MAPK3: variants seen among roughly 807,000 people sequenced by gnomAD.
The protein encoded by MAPK3 is mitogen-activated protein kinase 3.
In MAPK3, 30 loss-of-function variants were observed where a neutral mutation model predicts 41.8. That is an observed-to-expected ratio of 0.72 (90% confidence interval 0.54 to 0.97). The LOEUF (loss-of-function observed/expected upper bound fraction) is 0.97. MAPK3 is among the 50% of genes least tolerant of loss of function. The probability of loss-of-function intolerance (pLI) is 0.00; values close to 1 mark genes in which losing one functional copy is unlikely to be tolerated. For synonymous variants in MAPK3, 222 were observed against 213.4 expected, an observed-to-expected ratio of 1.04 and a Z score of -0.35; for missense variants, 413 against 509.9, an observed-to-expected ratio of 0.81 and a Z score of 1.83.
chr16:30,116,605 G>T, intron 8 of MAPK3, 31 bp downstream of exon 8: 1 of 1,595,230 alleles, frequency 6.3e-7, no homozygotes, highest in South Asian at 1.1e-5. Context: ...TAGTATCAGG[G>T]TGTCCATGTG....
intron 2 of MAPK3, among the ~76,000 whole-genome samples, chr16:30,120,408 T>G (rs12918285): frequency 2.9e-4 from 29 of 100,950 alleles, no homozygotes; most frequent in African/African-American, 4.6e-4. Flanking sequence ...GGACTGAGAG[T>G]GGGTGGGTGG....
At chr16:30,117,530 G>A in intron 5 of MAPK3, 140 bp downstream of exon 5, 1 of 755,758 alleles carries the variant, frequency 1.3e-6, no homozygotes, top group Non-Finnish European at 2.3e-6. Flanking sequence ...ATCCAATGGG[G>A]ATAATATCTA....
At chr16:30,117,931 C>A in intron 4 of MAPK3, 116 bp downstream of exon 4, 1 of 1,134,046 alleles carries the variant, frequency 8.8e-7, no homozygotes, top group South Asian at 1.3e-5. Context: ...CTTGCAGAGC[C>A]CAAGGCCCAG....
rs1461921044 is a variant in MAPK3 at position 30,123,173 on chromosome 16, C to T, written c.37G>A (p.Glu13Lys). 1 of 1,021,930 alleles carries T rather than the reference C, an allele frequency of 9.8e-7. No homozygotes were observed. 63.3% of individuals were successfully genotyped at this position (1,021,930 alleles called of 1,614,324 possible). A position where few individuals can be genotyped will look rare whatever the true frequency, so the allele number is the denominator to read the frequency against. Residue 13 changes from glutamate (E) to lysine (K), a missense_variant, in exon 1 of 9, where the codon GAG (glutamate) becomes AAG (lysine). By Grantham distance (56) the Glu-to-Lys change is moderately conservative. Coordinates refer to ENST00000263025, the MANE Select transcript of MAPK3 (RefSeq NM_002746.3). ...CCGACCCCCTCGGTTCTACGGGGCT[C>T]CCCGCCCCCGCCCCCCTGAGCCGCC... ...AAAAQGGGGG[E>K]PRRTEGVGPG...
At chr16:30,117,124 A>G in intron 6 of MAPK3, 30 bp downstream of exon 6, 1 of 1,613,752 alleles carries the variant, frequency 6.2e-7, no homozygotes, top group Non-Finnish European at 8.5e-7. Flanking sequence ...CCCAAGGTTT[A>G]TCCCACACCC....
Position 30,118,578 on chromosome 16 carries a change from T to G in MAPK3, c.354-40A>C, listed in dbSNP as rs769931740. On this transcript the variant is annotated intron_variant, in intron 2 of 8. Transcript: ENST00000263025. The stretch of plus-strand genomic sequence containing the variant: ...GCAGACCCCCCCAGGCAGGGGGCAG[T>G]GGGAGGCACTTGGTTAAGGAAAACA... 3.9e-6 allele frequency: 6 copies of G among 1,552,556 alleles called. No individual in the cohort carries two copies. The Admixed American group carries it at 1.1e-4, about 27-fold the overall frequency.
chr16:30,117,396 C>CA (rs2072967672), intron 5 of MAPK3, 111 bp from the exon 6 acceptor site: 1 of 1,078,176 alleles, frequency 9.3e-7, no homozygotes, highest in African/African-American at 1.6e-5. Flanking sequence ...GCCAATCCCT[C>CA]AGTCACCTCC....
intron 1 of MAPK3, chr16:30,122,750 G>T: frequency 3.1e-6 from 1 of 322,712 alleles, no homozygotes; most frequent in Non-Finnish European, 5.7e-6. Flanking sequence ...CTCGCCCCGT[G>T]TCACTAGGGT....
chr16:30,115,444 C>T (rs1449242076), intron 8 of MAPK3, among the ~76,000 whole-genome samples: 2 of 152,156 alleles, frequency 1.3e-5, no homozygotes, highest in African/African-American at 4.8e-5. Flanking sequence ...CAGTGGGGTC[C>T]CCACAGCTAT....
At chr16:30,121,782 G>A (rs2073017289) in intron 2 of MAPK3, 42 bp downstream of exon 2, 1 of 1,590,384 alleles carries the variant, frequency 6.3e-7, no homozygotes, top group South Asian at 1.1e-5. Flanking sequence ...GCCCAGCTGC[G>A]AGGCCGTGCC....
intron 1 of MAPK3, 78 bp downstream of exon 1, chr16:30,122,962 A>G (rs1037168282): frequency 1.6e-6 from 2 of 1,238,812 alleles, no homozygotes; most frequent in Non-Finnish European, 2.1e-6. Flanking sequence ...CGTCCCGGAA[A>G]GCGCTCGGCG....
At chr16:30,122,830 A>G (rs1412584792) in intron 1 of MAPK3, 2 of 454,540 alleles carry the variant, frequency 4.4e-6, no homozygotes, top group Non-Finnish European at 7.8e-6. Flanking sequence ...AAAGCCTCCA[A>G]GCCTGCTCCC....
intron 8 of MAPK3, among the ~76,000 whole-genome samples, chr16:30,115,243 A>G (rs1297758918): frequency 6.6e-6 from 1 of 152,104 alleles, no homozygotes; most frequent in Non-Finnish European, 1.5e-5. Context: ...AAAAAAAAAG[A>G]TAAATAGATT....
chr16:30,120,296 C>A (rs1006216201), intron 2 of MAPK3, among the ~76,000 whole-genome samples: 8 of 152,258 alleles, frequency 5.3e-5, no homozygotes, highest in Middle Eastern at 3.4e-3. Context: ...TGCTTCAGAT[C>A]ACACAGCGAG....
chr16:30,121,577 T>C (rs1036162026), intron 2 of MAPK3, among the ~76,000 whole-genome samples: 1 of 152,204 alleles, frequency 6.6e-6, no homozygotes, highest in South Asian at 2.1e-4. Flanking sequence ...TGCCTAGCCC[T>C]TCCCCCTGGG....
chr16:30,118,326 G>T, intron 3 of MAPK3, 23 bp downstream of exon 3: 1 of 1,604,452 alleles, frequency 6.2e-7, no homozygotes, highest in Non-Finnish European at 8.5e-7. Context: ...GGGGAGGAGG[G>T]GACAGGTGCC....
intron 3 of MAPK3, 30 bp from the exon 4 acceptor site, chr16:30,118,193 C>T (rs764120443): frequency 1.5e-5 from 24 of 1,595,568 alleles, no homozygotes; most frequent in African/African-American, 9.4e-5. Flanking sequence ...CTAAGCTCGG[C>T]GCTCAAGGCC....
At chr16:30,121,784 G>C in intron 2 of MAPK3, 40 bp downstream of exon 2, 3 of 1,595,534 alleles carry the variant, frequency 1.9e-6, no homozygotes, top group Non-Finnish European at 2.6e-6. Flanking sequence ...CCAGCTGCGA[G>C]GCCGTGCCTG....
chr16:30,116,933 A>G lies in MAPK3; in HGVS notation c.978T>C (p.Ala326=). The change falls in exon 7 of 9, where the codon GCT becomes GCC. Residue 326 remains alanine, a synonymous_variant. Transcript: ENST00000263025. The part of the protein sequence containing the change: ...NKRITVEEAL[A]HPYLEQYYDP... ...CATAGTACTGCTCCAGGTAGGGGTG[A>G]GCCAGCGCTTCCTCCACTGTGATCC... 3 of 1,613,796 alleles carry G rather than the reference A, an allele frequency of 1.9e-6. No individual in the cohort carries two copies. The highest frequency in any genetic ancestry group is 2.5e-6 in the Non-Finnish European group (3 of 1,179,884).
Sources: allele counts gnomAD v4.1 joint callset (sites outside exome capture counted in the v4.1 genomes callset), GRCh38; gene constraint gnomAD v4.1.1; transcripts MANE v1.5; gene names NCBI Gene and HGNC (gene_info 2026-07-23, HGNC 2026-07-21).